The following ASTN1 variants were observed in gnomAD, a reference collection of about 807,000 sequenced individuals.
The protein encoded by ASTN1 is astrotactin 1.
ASTN1 carries 41 observed loss-of-function variants against 140.7 expected under a neutral mutation model. That is an observed-to-expected ratio of 0.29 (90% CI 0.23 to 0.38). The LOEUF (loss-of-function observed/expected upper bound fraction) is 0.38, where lower values mean the gene tolerates loss of function less well. Among genes scored for constraint, ASTN1 ranks in the 10% least tolerant of loss-of-function variants. The probability of loss-of-function intolerance (pLI) is 1.00; values close to 1 mark genes in which losing one functional copy is unlikely to be tolerated. For synonymous variants in ASTN1, 640 were observed against 652.2 expected, an observed-to-expected ratio of 0.98 and a Z score of 0.29; for missense variants, 1,479 against 1,678.8, an observed-to-expected ratio of 0.88 and a Z score of 2.08.
intron 1 of ASTN1, among the ~76,000 whole-genome samples, chr1:177,103,461 C>A (rs988734320): frequency 1.3e-5 from 2 of 152,088 alleles, no homozygotes; most frequent in East Asian, 1.9e-4. Flanking sequence ...TGAAGCCACA[C>A]TGGGGAGGCT....
chr1:177,075,139 T>A (rs1282352966), intron 1 of ASTN1, among the ~76,000 whole-genome samples: 1 of 152,164 alleles, frequency 6.6e-6, no homozygotes, highest in African/African-American at 2.4e-5. Context: ...AATGGCGTGA[T>A]CTTGGCTCAC....
chr1:176,998,495 G>A (rs1200898342), intron 8 of ASTN1, among the ~76,000 whole-genome samples: 2 of 151,408 alleles, frequency 1.3e-5, no homozygotes, highest in East Asian at 2.0e-4. Flanking sequence ...ACTTATCTTC[G>A]GGCTTCTTTC....
At chr1:176,884,643 T>G (rs1668955409) in intron 18 of ASTN1, among the ~76,000 whole-genome samples, 153 bp from the exon 19 acceptor site, 1 of 152,188 alleles carries the variant, frequency 6.6e-6, no homozygotes, top group Non-Finnish European at 1.5e-5. Flanking sequence ...AAGATAGTAA[T>G]GTTTTTGAGG....
At chr1:176,896,722 T>C (rs987096442) in intron 16 of ASTN1, among the ~76,000 whole-genome samples, 1 of 152,170 alleles carries the variant, frequency 6.6e-6, no homozygotes, top group Non-Finnish European at 1.5e-5. Context: ...AGAACTCTTT[T>C]TATGAAGTCG....
chr1:176,926,023 G>T lies in ASTN1; in HGVS notation c.2671+8129C>A, dbSNP rs1004354810. On this transcript the variant is annotated intron_variant, in intron 16 of 22. Coordinates refer to ENST00000361833, the MANE Select transcript of ASTN1 (RefSeq NM_004319.3). The stretch of plus-strand genomic sequence containing the variant: ...GGGGTTTCACCGTGTTAGCCAGGAT[G>T]GTCTCGATCTTCTGACCTCCTGATC... Among the ~76,000 whole-genome samples the T allele has an allele frequency of 5.9e-5, 9 of 152,034 alleles. 2 individuals carry two copies. The highest frequency in any genetic ancestry group is 1.3e-4 in the Admixed American group (2 of 15,274).
At chr1:176,871,309 G>A (rs1167013956) in intron 21 of ASTN1, among the ~76,000 whole-genome samples, 2 of 152,202 alleles carry the variant, frequency 1.3e-5, no homozygotes, top group Non-Finnish European at 2.9e-5. Context: ...ATGACCGGGG[G>A]AGGAAAAATG....
At chr1:177,114,083 A>G (rs1442991941) in intron 1 of ASTN1, among the ~76,000 whole-genome samples, 1 of 152,174 alleles carries the variant, frequency 6.6e-6, no homozygotes, top group Non-Finnish European at 1.5e-5. Context: ...GGCAGAGCTC[A>G]AAGGGAGTAC....
intron 19 of ASTN1, 47 bp from the exon 20 acceptor site, chr1:176,883,041 C>T (rs1160887860): frequency 1.2e-6 from 2 of 1,609,868 alleles, no homozygotes; most frequent in East Asian, 2.2e-5. Context: ...ACAATGACGG[C>T]CAAGCAATGA....
intron 1 of ASTN1, among the ~76,000 whole-genome samples, chr1:177,133,059 T>C (rs542053870): frequency 9.2e-5 from 14 of 152,346 alleles, no homozygotes; most frequent in Non-Finnish European, 2.1e-4. Flanking sequence ...AAAGTAGCTC[T>C]AATATTTCGA....
intron 7 of ASTN1, among the ~76,000 whole-genome samples, chr1:177,019,817 C>T (rs1197175308): frequency 6.6e-6 from 1 of 152,160 alleles, no homozygotes; most frequent in Non-Finnish European, 1.5e-5. Flanking sequence ...CTATAAATTG[C>T]ACAAGGAGGA....
intron 8 of ASTN1, among the ~76,000 whole-genome samples, chr1:177,000,313 G>C (rs562127700): frequency 6.6e-6 from 1 of 152,098 alleles, no homozygotes; most frequent in Non-Finnish European, 1.5e-5. Flanking sequence ...GGAAGAAACA[G>C]GCATGCCATA....
chr1:177,094,289 C>G (rs1679917443), intron 1 of ASTN1, among the ~76,000 whole-genome samples: 1 of 152,202 alleles, frequency 6.6e-6, no homozygotes, highest in Non-Finnish European at 1.5e-5. Flanking sequence ...GAAGTGCATG[C>G]TCTTCATCAC....
intron 1 of ASTN1, among the ~76,000 whole-genome samples, chr1:177,163,099 A>C (rs974283877): frequency 2.0e-5 from 3 of 152,192 alleles, no homozygotes; most frequent in Non-Finnish European, 4.4e-5. Context: ...CTATGAAGGA[A>C]GAGCAAGAGG....
chr1:176,987,652 G>A (rs906508684), intron 8 of ASTN1, among the ~76,000 whole-genome samples: 3 of 152,126 alleles, frequency 2.0e-5, no homozygotes. Context: ...TTCTCCCCTT[G>A]TACTCTGCTC....
At chr1:177,004,077 C>T (rs1442483779) in intron 8 of ASTN1, among the ~76,000 whole-genome samples, 1 of 152,038 alleles carries the variant, frequency 6.6e-6, no homozygotes, top group African/African-American at 2.4e-5. Flanking sequence ...ATCTAGAAAA[C>T]CCTAAAATTT....
At chr1:177,133,493 C>T (rs1682035353) in intron 1 of ASTN1, among the ~76,000 whole-genome samples, 1 of 152,208 alleles carries the variant, frequency 6.6e-6, no homozygotes. Context: ...CCAAACTCAT[C>T]AAGCCTTTCT....
At chr1:177,125,894 GTAA>G (rs987650625) in intron 1 of ASTN1, among the ~76,000 whole-genome samples, 3 of 152,122 alleles carry the variant, frequency 2.0e-5, no homozygotes, top group African/African-American at 7.2e-5. Context: ...ACTATATTAA[GTAA>G]TAATAATACT....
intron 1 of ASTN1, among the ~76,000 whole-genome samples, chr1:177,149,739 GTATATACATAGTAAATATATATACAC>G (rs1682942733): frequency 5.7e-5 from 4 of 70,534 alleles, no homozygotes; most frequent in Admixed American, 1.7e-4. Flanking sequence ...TATATACACT[GTATATACATAGTAAATATATATACAC>G]TGTATATACA....
At chr1:176,936,075 T>A in intron 15 of ASTN1, 191 bp downstream of exon 15, 1 of 668,842 alleles carries the variant, frequency 1.5e-6, no homozygotes, top group Middle Eastern at 2.4e-4. Flanking sequence ...TGCAATGTAA[T>A]CTCTACTTAG....
Sources: gnomAD v4.1 joint callset for allele counts (sites outside exome capture counted in the v4.1 genomes callset) on GRCh38, gnomAD v4.1.1 for gene constraint, MANE v1.5 for transcripts, NCBI Gene and HGNC (gene_info 2026-07-23, HGNC 2026-07-21) for gene names.